Variants in SPECC1 observed in about 807,000 individuals in gnomAD.
SPECC1 encodes the protein cytospin-B.
SPECC1 carries 62 observed loss-of-function variants against 104.1 expected under a neutral mutation model. The observed-to-expected ratio is 0.60, with a 90% CI of 0.49 to 0.74. The LOEUF is 0.74. SPECC1 is among the 30% of genes least tolerant of loss of function. The probability of loss-of-function intolerance (pLI) is 0.00; values close to 1 mark genes in which losing one functional copy is unlikely to be tolerated. For synonymous variants in SPECC1, 513 were observed against 501.6 expected (o/e 1.02, Z -0.30); for missense variants, 1,306 against 1,310.5 (o/e 1.00, Z 0.05).
intron 3 of SPECC1, among the ~76,000 whole-genome samples, chr17:20,179,066 G>C (rs1010961244): frequency 6.6e-6 from 1 of 151,788 alleles, no homozygotes. Flanking sequence ...TATCAGCCTG[G>C]GTTTTTACTT....
At chr17:20,167,249 TA>T in intron 3 of SPECC1, among the ~76,000 whole-genome samples, 1 of 149,904 alleles carries the variant, frequency 6.7e-6, no homozygotes, top group Non-Finnish European at 1.5e-5. Flanking sequence ...GAATGTTGGA[TA>T]TTTTTTAAAA....
At chr17:20,246,923 T>C (rs2039446551) in intron 8 of SPECC1, among the ~76,000 whole-genome samples, 1 of 152,138 alleles carries the variant, frequency 6.6e-6, no homozygotes. Context: ...GGAAATGAAT[T>C]AACAATTTGT....
chr17:20,254,378 C>T (rs1336592694), intron 10 of SPECC1, among the ~76,000 whole-genome samples: 1 of 152,140 alleles, frequency 6.6e-6, no homozygotes, highest in Non-Finnish European at 1.5e-5. Flanking sequence ...CACCCCACTT[C>T]TCTGTGCTTT....
chr17:20,055,756 G>T (rs771705216), intron 1 of SPECC1, among the ~76,000 whole-genome samples: 1 of 152,202 alleles, frequency 6.6e-6, no homozygotes, highest in Non-Finnish European at 1.5e-5. Context: ...CATTGGCCAT[G>T]AAGGCTTTGC....
At chr17:20,149,351 G>A (rs1286637366) in intron 3 of SPECC1, among the ~76,000 whole-genome samples, 3 of 152,190 alleles carry the variant, frequency 2.0e-5, no homozygotes, top group Admixed American at 6.5e-5. Flanking sequence ...TTGGATTTCG[G>A]AAGGGTTCCT....
At chr17:20,263,381 AG>A (rs1567591217) in intron 12 of SPECC1, among the ~76,000 whole-genome samples, 1 of 80,162 alleles carries the variant, frequency 1.2e-5, no homozygotes, top group Middle Eastern at 5.2e-3. Flanking sequence ...GGGTGGGGGG[AG>A]GGGGGAAGGA....
chr17:20,091,766 C>T (rs1019828102), intron 1 of SPECC1, among the ~76,000 whole-genome samples: 6 of 152,226 alleles, frequency 3.9e-5, no homozygotes, highest in African/African-American at 1.2e-4. Flanking sequence ...GCCTCTTCCG[C>T]TTCCCAGTGC....
chr17:20,152,707 C>G (rs138090685), intron 3 of SPECC1, among the ~76,000 whole-genome samples: 1 of 152,162 alleles, frequency 6.6e-6, no homozygotes, highest in East Asian at 1.9e-4. Context: ...GAGTCTTGCT[C>G]TGTTGCCAGG....
Position 20,205,543 on chromosome 17 carries a change from T to G in SPECC1, c.1494T>G (p.Val498=). The G allele has an allele frequency of 6.2e-7, 1 of 1,614,040 alleles. No homozygotes were observed. The highest frequency in any genetic ancestry group is 1.3e-5 in the African/African-American group (1 of 74,984). Reference sequence around the variant, plus strand: ...AGTTGACCTGTAGCTTGCGGAAGGTTGAGGAAGAAAACCAAGGAGCTTTAG... The same window carrying G: ...AGTTGACCTGTAGCTTGCGGAAGGTGGAGGAAGAAAACCAAGGAGCTTTAG... ...QQQLTCSLRK[V]EEENQGALEM... is the part of the protein sequence containing the mutation. Residue 498 remains valine (V), a synonymous_variant, in exon 4 of 15, where the codon GTT becomes GTG. Transcript: ENST00000395527.
At chr17:20,121,738 G>C (rs1464337495) in intron 3 of SPECC1, among the ~76,000 whole-genome samples, 1 of 152,132 alleles carries the variant, frequency 6.6e-6, no homozygotes, top group Non-Finnish European at 1.5e-5. Context: ...TGTGTGCAGG[G>C]TCCTCCCTGC....
At chr17:20,229,247 T>C (rs1443697951) in intron 5 of SPECC1, among the ~76,000 whole-genome samples, 2 of 152,170 alleles carry the variant, frequency 1.3e-5, no homozygotes, top group Admixed American at 6.5e-5. Flanking sequence ...TGCAGTGCTG[T>C]CCACTGTCCC....
intron 1 of SPECC1, among the ~76,000 whole-genome samples, chr17:20,087,417 C>T (rs115128322): frequency 6.6e-6 from 1 of 152,084 alleles, no homozygotes; most frequent in East Asian, 1.9e-4. Context: ...TGAAAGCAGT[C>T]TGGGGACTTT....
chr17:20,134,192 A>G (rs1047000902), intron 3 of SPECC1, among the ~76,000 whole-genome samples: 3 of 151,778 alleles, frequency 2.0e-5, no homozygotes, highest in Non-Finnish European at 4.4e-5. Context: ...TCCAATTTCA[A>G]TCCAACCACT....
At chr17:20,285,414 C>CT (rs577368624) in intron 12 of SPECC1, among the ~76,000 whole-genome samples, 6,462 of 147,972 alleles carry the variant, frequency 0.044, 193 homozygotes, top group Middle Eastern at 0.079. Flanking sequence ...CTGTATCTTA[C>CT]TTTTTTTTTT....
At chr17:20,302,769 A>AG (rs35318316) in intron 13 of SPECC1, among the ~76,000 whole-genome samples, 148,615 of 148,616 alleles carry the variant, frequency 1, 74,307 homozygotes, top group Non-Finnish European at 1. Flanking sequence ...GTGAAAACAC[A>AG]GCGGTGCCAG....
At chr17:20,147,063 A>G (rs576239370) in intron 3 of SPECC1, among the ~76,000 whole-genome samples, 1 of 150,684 alleles carries the variant, frequency 6.6e-6, no homozygotes, top group Admixed American at 6.6e-5. Flanking sequence ...TAATAGGTGC[A>G]TAACAGTATG....
chr17:20,272,939 T>G (rs1181190108), intron 12 of SPECC1, among the ~76,000 whole-genome samples: 1 of 152,216 alleles, frequency 6.6e-6, no homozygotes, highest in African/African-American at 2.4e-5. Context: ...TTGGTATCTT[T>G]AGGTCTCTAT....
chr17:20,262,566 C>T (rs1259591850), intron 12 of SPECC1, among the ~76,000 whole-genome samples: 3 of 152,162 alleles, frequency 2.0e-5, no homozygotes, highest in Non-Finnish European at 2.9e-5. Flanking sequence ...AACACCTTTT[C>T]ATATGCAAAT....
At chr17:20,101,014 C>T (rs867385619) in intron 2 of SPECC1, among the ~76,000 whole-genome samples, 4 of 152,178 alleles carry the variant, frequency 2.6e-5, no homozygotes, top group African/African-American at 9.7e-5. Flanking sequence ...TTTATGGCTG[C>T]ATAGTATTCC....
Sources: allele counts gnomAD v4.1 joint callset (sites outside exome capture counted in the v4.1 genomes callset), GRCh38; gene constraint gnomAD v4.1.1; transcripts MANE v1.5; gene names NCBI Gene and HGNC (gene_info 2026-07-23, HGNC 2026-07-21).